Variants in PRTG observed in about 807,000 individuals in gnomAD.
PRTG encodes protogenin.
Under a neutral mutation model 122.5 loss-of-function variants are expected in PRTG, and 67 were observed. The observed-to-expected ratio is 0.55, with a 90% CI of 0.45 to 0.67. The LOEUF is 0.67. PRTG is among the 30% of genes least tolerant of loss of function. The pLI is 0.00. For synonymous variants in PRTG, 554 were observed against 501.1 expected, an observed-to-expected ratio of 1.11 and a Z score of -1.41; for missense variants, 1,435 against 1,415.4, an observed-to-expected ratio of 1.01 and a Z score of -0.22.
intron 17 of PRTG, among the ~76,000 whole-genome samples, chr15:55,625,646 T>C (rs1381921384): frequency 1.3e-5 from 2 of 149,568 alleles, no homozygotes; most frequent in East Asian, 3.9e-4. Context: ...TTTTTTGAGA[T>C]GGAGTATTGC....
intron 2 of PRTG, among the ~76,000 whole-genome samples, chr15:55,715,416 T>C (rs1319581702): frequency 6.6e-6 from 1 of 152,222 alleles, no homozygotes; most frequent in Non-Finnish European, 1.5e-5. Context: ...CTATTAGGAA[T>C]ACTCTTAATG....
At chr15:55,679,467 A>C in intron 6 of PRTG, 22 bp from the exon 7 acceptor site, 1 of 1,587,554 alleles carries the variant, frequency 6.3e-7, no homozygotes, top group East Asian at 2.3e-5. Context: ...GAAAAAAATG[A>C]AATATTTCTG....
intron 1 of PRTG, chr15:55,742,482 G>C: frequency 4.9e-6 from 1 of 204,966 alleles, no homozygotes; most frequent in Non-Finnish European, 9.7e-6. Flanking sequence ...CCCGGAGTCC[G>C]GCCGGTCGCG....
intron 11 of PRTG, among the ~76,000 whole-genome samples, chr15:55,663,723 G>C (rs1426600222): frequency 1.3e-5 from 2 of 151,952 alleles, no homozygotes; most frequent in African/African-American, 4.8e-5. Flanking sequence ...TGTATTTTTA[G>C]TAGAGACAGG....
rs1216543382 is a variant in PRTG at position 55,617,017 on chromosome 15, A to C, written c.*2995T>G. 6.6e-6 allele frequency: 1 copy of C among 152,154 alleles called. No homozygotes were observed. Among genetic ancestry groups the C allele is most frequent in the Admixed American group, 6.6e-5 (1 of 15,264 alleles). The allele number at this position is 152,154 out of a possible 1,614,324, so 9.4% of individuals were successfully genotyped here. Reference sequence around the variant, plus strand: ...CTTACAGCAAATACATCTTTGGAAAAGAAAATAGTTACCATTTGCATATTA... The same window carrying C: ...CTTACAGCAAATACATCTTTGGAAACGAAAATAGTTACCATTTGCATATTA... On this transcript the variant is annotated 3_prime_UTR_variant, in exon 20 of 20. Coordinates refer to ENST00000389286, the MANE Select transcript of PRTG (RefSeq NM_173814.6).
rs566045754 is a variant in PRTG at position 55,631,288 on chromosome 15, T to C, written c.2624-2284A>G. Reference sequence around the variant, plus strand: ...TTACACTTAGCTGAAAGGAAGAACATTTCCATGTCTTCACAAACAGATATA... The same window carrying C: ...TTACACTTAGCTGAAAGGAAGAACACTTCCATGTCTTCACAAACAGATATA... On this transcript the variant is annotated intron_variant, in intron 15 of 19. Coordinates refer to ENST00000389286, the MANE Select transcript of PRTG (RefSeq NM_173814.6). Among the ~76,000 whole-genome samples, 13 of 152,296 alleles carry C rather than the reference T, an allele frequency of 8.5e-5. No individual in the cohort carries two copies. The South Asian group carries it at 2.5e-3, about 29-fold the overall frequency.
intron 15 of PRTG, among the ~76,000 whole-genome samples, chr15:55,631,792 G>C (rs1335130691): frequency 6.6e-6 from 1 of 152,146 alleles, no homozygotes; most frequent in Non-Finnish European, 1.5e-5. Flanking sequence ...GGAGACAATA[G>C]TTCCCACCTT....
chr15:55,677,575 T>C (rs973185065), intron 8 of PRTG, among the ~76,000 whole-genome samples: 2 of 152,164 alleles, frequency 1.3e-5, no homozygotes, highest in African/African-American at 2.4e-5. Context: ...CTGGTAATTG[T>C]TTCTAAACAG....
At chr15:55,712,548 A>T (rs1460842945) in intron 2 of PRTG, among the ~76,000 whole-genome samples, 13 of 152,180 alleles carry the variant, frequency 8.5e-5, no homozygotes, top group Admixed American at 3.9e-4. Context: ...ATGGTGCATG[A>T]TCTGGTTATT....
chr15:55,641,251 G>A (rs748400300), intron 11 of PRTG, 43 bp from the exon 12 acceptor site: 36 of 1,421,168 alleles, frequency 2.5e-5, no homozygotes, highest in South Asian at 5.9e-5. Flanking sequence ...CAGGTCTCTA[G>A]ATCTGAGCAA....
intron 11 of PRTG, among the ~76,000 whole-genome samples, chr15:55,649,233 C>T (rs2141752521): frequency 6.6e-6 from 1 of 152,274 alleles, no homozygotes; most frequent in South Asian, 2.1e-4. Flanking sequence ...AAGAGACAGC[C>T]TAGCATAGTG....
chr15:55,704,374 GA>G (rs2030003492), intron 2 of PRTG, among the ~76,000 whole-genome samples: 1 of 152,120 alleles, frequency 6.6e-6, no homozygotes, highest in African/African-American at 2.4e-5. Context: ...AATTTATAAT[GA>G]GAAAAATCAC....
intron 2 of PRTG, among the ~76,000 whole-genome samples, chr15:55,692,273 G>T (rs1184433168): frequency 2.0e-5 from 3 of 152,122 alleles, no homozygotes; most frequent in African/African-American, 7.2e-5. Flanking sequence ...TAGAGGTAGG[G>T]AGACTAACTA....
chr15:55,672,529 G>T lies in PRTG; in HGVS notation c.1957C>A (p.Leu653Met). 6.2e-7 allele frequency: 1 copy of T among 1,614,086 alleles called. No homozygotes were observed. Among genetic ancestry groups the T allele is most frequent in the Non-Finnish European group, 8.5e-7 (1 of 1,179,972 alleles). The stretch of plus-strand genomic sequence containing the variant: ...TGCTGCCCTTCTTCCTTGTAGTACA[G>T]CTTGTAGCCCTGAATAGCAGCTGTG... ...EDTAAIQGYK[L>M]YYKEEGQQEN... The change falls in exon 11 of 20, where the codon CTG (leucine) becomes ATG (methionine). Residue 653 changes from leucine (L) to methionine (M), a missense_variant. Leu to Met is a conservative substitution (Grantham distance 15). Transcript: ENST00000389286.
intron 2 of PRTG, among the ~76,000 whole-genome samples, chr15:55,712,805 A>T (rs1284267467): frequency 6.6e-6 from 1 of 152,206 alleles, no homozygotes; most frequent in African/African-American, 2.4e-5. Context: ...TAAAATTTAA[A>T]GCTGTCAAAT....
At chr15:55,691,599 T>C (rs1024495206) in intron 2 of PRTG, among the ~76,000 whole-genome samples, 3 of 150,280 alleles carry the variant, frequency 2.0e-5, no homozygotes, top group Non-Finnish European at 4.4e-5. Context: ...AAGAATCGCC[T>C]GAACCCGGGA....
At chr15:55,640,087 A>G (rs1427917488) in intron 12 of PRTG, 1 of 417,996 alleles carries the variant, frequency 2.4e-6, no homozygotes, top group Admixed American at 6.4e-5. Context: ...TCATCAGGGG[A>G]TTTCATCATT....
intron 2 of PRTG, among the ~76,000 whole-genome samples, chr15:55,720,880 C>T (rs1244556146): frequency 2.0e-5 from 3 of 152,186 alleles, no homozygotes; most frequent in Non-Finnish European, 2.9e-5. Context: ...TCCTGGGCTG[C>T]ATGCGGGTTG....
intron 2 of PRTG, among the ~76,000 whole-genome samples, chr15:55,698,710 T>C (rs1348526461): frequency 1.3e-5 from 2 of 152,096 alleles, no homozygotes; most frequent in Non-Finnish European, 1.5e-5. Context: ...AGAGAAGAAA[T>C]GATGCTCATA....
Sources: allele counts gnomAD v4.1 joint callset (sites outside exome capture counted in the v4.1 genomes callset), GRCh38; gene constraint gnomAD v4.1.1; transcripts MANE v1.5; gene names NCBI Gene and HGNC (gene_info 2026-07-23, HGNC 2026-07-21).